MAPK14: variants seen among roughly 807,000 people sequenced by gnomAD.
MAPK14 encodes the protein mitogen-activated protein kinase 14, also known as CSAID-binding protein.
Under a neutral mutation model 49.6 loss-of-function variants are expected in MAPK14, and 16 were observed. That is an observed-to-expected ratio of 0.32 (90% CI 0.22 to 0.49). MAPK14 has a LOEUF of 0.49. MAPK14 is among the 20% of genes least tolerant of loss of function. MAPK14 has a pLI of 0.99. For missense variants in MAPK14, 200 were observed against 441.2 expected (o/e 0.45, Z 4.90); for synonymous variants, 142 against 158.0 (o/e 0.90, Z 0.76).
chr6:36,088,635 T>C (rs1297108565), intron 8 of MAPK14, among the ~76,000 whole-genome samples: 3 of 150,406 alleles, frequency 2.0e-5, no homozygotes, highest in African/African-American at 7.4e-5. Context: ...GGCAGGAGAA[T>C]GACGTGAACC....
intron 2 of MAPK14, among the ~76,000 whole-genome samples, chr6:36,055,268 T>A (rs532969123): frequency 6.6e-6 from 1 of 152,352 alleles, no homozygotes; most frequent in Non-Finnish European, 1.5e-5. Flanking sequence ...TTTTAGAATT[T>A]AAAAATGATC....
At chr6:36,090,544 G>A (rs1276942867) in intron 8 of MAPK14, among the ~76,000 whole-genome samples, 1 of 122,080 alleles carries the variant, frequency 8.2e-6, no homozygotes, top group African/African-American at 3.6e-5. Flanking sequence ...TTTTTTTTTG[G>A]AGACAGAGTC....
At chr6:36,118,786 G>A in the MAPK14 span, among the ~76,000 whole-genome samples, 1 of 152,168 alleles carries the variant, frequency 6.6e-6, no homozygotes, top group African/African-American at 2.4e-5. Context: ...CTTGTGGTGG[G>A]GAGTGTCCCT....
At chr6:36,031,900 A>C (rs1159542068) in intron 1 of MAPK14, among the ~76,000 whole-genome samples, 1 of 152,110 alleles carries the variant, frequency 6.6e-6, no homozygotes, top group Non-Finnish European at 1.5e-5. Context: ...GACTTCTTGA[A>C]CTGGACCTGA....
intron 1 of MAPK14, among the ~76,000 whole-genome samples, chr6:36,048,737 G>A (rs1046837484): frequency 2.6e-5 from 4 of 151,986 alleles, no homozygotes; most frequent in African/African-American, 9.6e-5. Context: ...GAGCCATGGA[G>A]AAGAATAGTT....
intron 3 of MAPK14, among the ~76,000 whole-genome samples, chr6:36,060,562 C>T (rs1185357322): frequency 6.6e-6 from 1 of 152,142 alleles, no homozygotes; most frequent in Non-Finnish European, 1.5e-5. Flanking sequence ...AACCTCCATT[C>T]CCCCATTGAC....
chr6:36,076,344 A>G (rs61764190), intron 7 of MAPK14, among the ~76,000 whole-genome samples, 193 bp from the exon 8 acceptor site: 7,081 of 152,064 alleles, frequency 0.047, 401 homozygotes, highest in African/African-American at 0.13. Context: ...GACTTACCCC[A>G]CCTTTGAACA....
intron 1 of MAPK14, among the ~76,000 whole-genome samples, chr6:36,032,983 TA>T (rs1414708915): frequency 7.1e-5 from 5 of 70,782 alleles, no homozygotes; most frequent in South Asian, 8.4e-4. Context: ...ATTTTAAATC[TA>T]TTTTTTTTTT....
chr6:36,055,766 TA>T (rs546676887), intron 2 of MAPK14, among the ~76,000 whole-genome samples: 65 of 151,194 alleles, frequency 4.3e-4, no homozygotes, highest in Middle Eastern at 6.8e-3. Context: ...AACCAGTCTC[TA>T]TTATTATATT....
chr6:36,095,957 C>T lies in MAPK14; in HGVS notation c.683-30C>T, dbSNP rs747098963. ...GTTTGTTTTTCATTTTTATTTTGTC[C>T]CAACATTTTCCTTTATGGTCCACCA... is the stretch of plus-strand genomic sequence containing the variant. On this transcript the variant is annotated intron_variant, in intron 8 of 11. Coordinates refer to ENST00000229794, the MANE Select transcript of MAPK14 (RefSeq NM_139012.3). 1.4e-5 allele frequency: 18 copies of T among 1,323,966 alleles called. No individual in the cohort carries two copies. In the Admixed American group the frequency reaches 2.8e-4, roughly 21 times the overall value. The allele number at this position is 1,323,966 out of a possible 1,614,324, so 82.0% of individuals were successfully genotyped here.
In MAPK14 at chr6:36,107,102, T is replaced by A. The variant is rs1443165469; in HGVS notation, c.842-353T>A. Among the ~76,000 whole-genome samples the A allele has an allele frequency of 6.6e-6, 1 of 152,102 alleles. No homozygotes were observed. Among genetic ancestry groups the A allele is most frequent in the Non-Finnish European group, 1.5e-5 (1 of 68,008 alleles). Reference sequence around the variant, plus strand: ...AAAAATACAAAATACAGGAGGAGGGTGAGGGTTGAGAGATAACCTATCGGG... The same window carrying A: ...AAAAATACAAAATACAGGAGGAGGGAGAGGGTTGAGAGATAACCTATCGGG... On this transcript the variant is annotated intron_variant, in intron 10 of 11. Transcript: ENST00000229794. This position sits in a 1 kb window ranked among gnomAD's most constrained non-coding sequence, Gnocchi z 4.3.
chr6:36,064,270 G>GCCCCCCCCCCCCCCCC (rs3045917), intron 3 of MAPK14, among the ~76,000 whole-genome samples: 1 of 124,760 alleles, frequency 8.0e-6, no homozygotes, highest in Non-Finnish European at 1.7e-5. Context: ...GAGCCACCAT[G>GCCCCCCCCCCCCCCCC]CCCCCCCCCA....
chr6:36,062,255 C>A (rs1445191331), intron 3 of MAPK14, among the ~76,000 whole-genome samples: 2 of 152,182 alleles, frequency 1.3e-5, no homozygotes, highest in African/African-American at 4.8e-5. Flanking sequence ...GGATTACAGA[C>A]ATGAGCCGCC....
At chr6:36,102,535 TG>T (rs1378929940) in intron 9 of MAPK14, 35 bp from the exon 10 acceptor site, 44 of 1,520,196 alleles carry the variant, frequency 2.9e-5, no homozygotes, top group Non-Finnish European at 3.9e-5. Flanking sequence ...GTAACATTAT[TG>T]AACAAAGTCA....
At position 36,051,604 on chromosome 6, in the gene MAPK14, G is replaced by A. The variant is rs890057048; in HGVS notation, c.117-1095G>A. On this transcript the variant is annotated intron_variant, in intron 1 of 11. Transcript: ENST00000229794. ...GTTTCCTACCTCTGTTTCTTTTTTC[G>A]TTTGTTTGCACTTGCTCTTCTGAGA... is the stretch of plus-strand genomic sequence containing the variant. 2.6e-5 allele frequency among the ~76,000 whole-genome samples: 4 copies of A among 151,804 alleles called. No homozygotes were observed. In the South Asian group the frequency reaches 6.2e-4, roughly 24 times the overall value.
At chr6:36,113,095 A>G (rs1766003537), downstream of MAPK14, among the ~76,000 whole-genome samples, 1 of 152,176 alleles carries the variant, frequency 6.6e-6, no homozygotes, top group South Asian at 2.1e-4. Flanking sequence ...TATAATGCAG[A>G]TATGTTTTAA....
At chr6:36,093,317 G>T (rs954875565) in intron 8 of MAPK14, among the ~76,000 whole-genome samples, 2 of 152,120 alleles carry the variant, frequency 1.3e-5, no homozygotes, top group African/African-American at 4.8e-5. Context: ...GATGTAATGA[G>T]CCACTGTGAC....
chr6:36,054,038 C>G (rs1002455425), intron 2 of MAPK14, among the ~76,000 whole-genome samples: 3 of 138,582 alleles, frequency 2.2e-5, no homozygotes, highest in Admixed American at 1.4e-4. Context: ...TGCAGCCTTC[C>G]TAATCAGTGA....
intron 7 of MAPK14, 96 bp downstream of exon 7, chr6:36,076,058 G>A (rs1399942708): frequency 1.5e-6 from 2 of 1,302,058 alleles, no homozygotes; most frequent in Admixed American, 4.1e-5. Context: ...GGGAAGAAAT[G>A]TCTTTTCTTC....
Sources: allele counts gnomAD v4.1 joint callset (sites outside exome capture counted in the v4.1 genomes callset), GRCh38; gene constraint gnomAD v4.1.1; non-coding constraint Gnocchi (gnomAD v3.1); transcripts MANE v1.5; gene names NCBI Gene and HGNC (gene_info 2026-07-23, HGNC 2026-07-21).